SACM1L: variants seen among roughly 807,000 people sequenced by gnomAD.
SACM1L encodes SAC1 like phosphatidylinositide phosphatase.
A neutral mutation model predicts 89.5 loss-of-function variants in SACM1L; 32 were observed. That is an observed-to-expected ratio of 0.36 (90% CI 0.27 to 0.48). SACM1L has a LOEUF of 0.48. Ranked by LOEUF, SACM1L falls within the 20% of genes least tolerant of loss-of-function variation. SACM1L has a pLI of 0.99. For synonymous variants in SACM1L, 213 were observed against 232.8 expected (o/e 0.92, Z 0.77); for missense variants, 543 against 708.5 (o/e 0.77, Z 2.65).
At chr3:45,708,916 T>C (rs982861994) in intron 4 of SACM1L, among the ~76,000 whole-genome samples, 23 of 152,218 alleles carry the variant, frequency 1.5e-4, no homozygotes, top group Non-Finnish European at 2.9e-4. Context: ...TAAAATGGTT[T>C]CCCAAAAATA....
Position 45,734,270 on chromosome 3 carries a change from A to G in SACM1L, c.1101-965A>G, listed in dbSNP as rs145123108. Among the ~76,000 whole-genome samples the G allele has an allele frequency of 8.2e-4, 125 of 151,942 alleles. 1 individual carries two copies. Among genetic ancestry groups the G allele is most frequent in the African/African-American group, 2.9e-3 (120 of 41,452 alleles). On this transcript the variant is annotated intron_variant, in intron 13 of 19. Transcript: ENST00000389061. ...TGTACTAAAAATACAAAAATTAGCC[A>G]GGCATGGTGGTGGGTGCCTGTAATC...
At chr3:45,689,687 G>A (rs1433699350) in intron 1 of SACM1L, 190 bp downstream of exon 1, 13 of 677,322 alleles carry the variant, frequency 1.9e-5, no homozygotes, top group Non-Finnish European at 3.2e-5. Flanking sequence ...GGAACCAGCG[G>A]CTCGCCGGCC....
intron 1 of SACM1L, among the ~76,000 whole-genome samples, chr3:45,702,251 G>A (rs1698292536): frequency 6.6e-6 from 1 of 152,148 alleles, no homozygotes; most frequent in Admixed American, 6.5e-5. Context: ...TTTGCTGCAG[G>A]ACATTTTTCT....
intron 11 of SACM1L, among the ~76,000 whole-genome samples, chr3:45,728,675 A>G (rs1301352048): frequency 6.6e-6 from 1 of 152,038 alleles, no homozygotes; most frequent in African/African-American, 2.4e-5. Flanking sequence ...TTATGTATAT[A>G]TGTATTTATT....
intron 1 of SACM1L, among the ~76,000 whole-genome samples, chr3:45,692,658 T>G (rs76831626): frequency 2.1e-3 from 314 of 152,314 alleles, no homozygotes; most frequent in Non-Finnish European, 3.2e-3. Context: ...GGTACCTTCT[T>G]TGAGAAATGT....
intron 18 of SACM1L, among the ~76,000 whole-genome samples, chr3:45,739,371 A>G (rs1412411892): frequency 6.6e-6 from 1 of 152,134 alleles, no homozygotes; most frequent in African/African-American, 2.4e-5. Context: ...TTGGAGCAAA[A>G]GCATGCTTCT....
At chr3:45,703,904 A>C (rs1447379959) in intron 2 of SACM1L, among the ~76,000 whole-genome samples, 2 of 152,194 alleles carry the variant, frequency 1.3e-5, no homozygotes, top group Non-Finnish European at 1.5e-5. Flanking sequence ...CAGCTTTAAG[A>C]GTATGGAATT....
In SACM1L at chr3:45,744,173, TACAG is replaced by T. The variant is rs747252506; in HGVS notation, c.*508_*511del. The stretch of plus-strand genomic sequence containing the variant: ...CTGTGTTTATAAAATGTAAGTCTCT[TACAG>T]ACATCAAGTAGTTTGATGAGACAGT... On this transcript the variant is annotated 3_prime_UTR_variant, in exon 20 of 20. Coordinates refer to ENST00000389061, the MANE Select transcript of SACM1L (RefSeq NM_014016.5). 1 of 152,474 alleles carries T rather than the reference TACAG, an allele frequency of 6.6e-6. No individual in the cohort carries two copies. The highest frequency in any genetic ancestry group is 1.5e-5 in the Non-Finnish European group (1 of 68,260). The allele number at this position is 152,474 out of a possible 1,614,324, so 9.4% of individuals were successfully genotyped here.
At chr3:45,691,731 C>G (rs1399588174) in intron 1 of SACM1L, among the ~76,000 whole-genome samples, 1 of 152,142 alleles carries the variant, frequency 6.6e-6, no homozygotes, top group East Asian at 1.9e-4. Context: ...CCTCCCACCT[C>G]AGCCTCTCGA....
At chr3:45,720,395 A>G (rs1193089792) in intron 8 of SACM1L, among the ~76,000 whole-genome samples, 1 of 152,146 alleles carries the variant, frequency 6.6e-6, no homozygotes, top group Non-Finnish European at 1.5e-5. Context: ...TTTTTAATGC[A>G]ATAAAAAATA....
intron 1 of SACM1L, among the ~76,000 whole-genome samples, chr3:45,696,650 G>T (rs1327096595): frequency 2.0e-5 from 3 of 147,892 alleles, no homozygotes; most frequent in Admixed American, 6.8e-5. Flanking sequence ...TCCTGGGTTT[G>T]TTTTTTTTTT....
intron 7 of SACM1L, among the ~76,000 whole-genome samples, chr3:45,718,487 T>C (rs1265968693): frequency 1.3e-5 from 2 of 152,148 alleles, no homozygotes; most frequent in Non-Finnish European, 2.9e-5. Flanking sequence ...ATTTTTAAAA[T>C]TATGATCAAA....
In SACM1L at chr3:45,721,271, C is replaced by G. The variant is rs189283165; in HGVS notation, c.680-729C>G. 4.6e-5 allele frequency among the ~76,000 whole-genome samples: 7 copies of G among 152,360 alleles called. No homozygotes were observed. In the East Asian group the frequency reaches 1.3e-3, roughly 29 times the overall value. On this transcript the variant is annotated intron_variant, in intron 8 of 19. Coordinates refer to ENST00000389061, the MANE Select transcript of SACM1L (RefSeq NM_014016.5). ...GTGCGGTGGCTCACGCCTATAATCC[C>G]AGCACTTTGGGAGGCCGAGGCAGGC...
rs745803308 is a variant in SACM1L, at chr3:45,732,037, T to G, written c.1002-16T>G. 8 of 1,464,986 alleles carry G rather than the reference T, an allele frequency of 5.5e-6. No individual in the cohort carries two copies. Among genetic ancestry groups the G allele is most frequent in the Non-Finnish European group, 7.5e-6 (8 of 1,072,138 alleles). 90.7% of individuals were successfully genotyped at this position (1,464,986 alleles called of 1,614,324 possible). A position where few individuals can be genotyped will look rare whatever the true frequency, so the allele number is the denominator to read the frequency against. On this transcript the variant is annotated splice_polypyrimidine_tract_variant and intron_variant, in intron 12 of 19. Transcript: ENST00000389061. ...ATGATCTCTGGTCGGTTTCTGAATA[T>G]CTTTTCTTTTGGTAGATACATTGCC...
At chr3:45,720,369 A>C (rs1296026738) in intron 8 of SACM1L, among the ~76,000 whole-genome samples, 1 of 152,174 alleles carries the variant, frequency 6.6e-6, no homozygotes, top group Non-Finnish European at 1.5e-5. Context: ...ACATATTTCA[A>C]ATATCAAAAA....
At chr3:45,718,667 T>C (rs1342599743) in intron 7 of SACM1L, among the ~76,000 whole-genome samples, 2 of 152,198 alleles carry the variant, frequency 1.3e-5, no homozygotes, top group Non-Finnish European at 2.9e-5. Flanking sequence ...TATTTAACTA[T>C]TGTAAATAGT....
intron 2 of SACM1L, among the ~76,000 whole-genome samples, chr3:45,703,916 T>G (rs1161506667): frequency 6.6e-6 from 1 of 152,212 alleles, no homozygotes; most frequent in East Asian, 1.9e-4. Flanking sequence ...TATGGAATTT[T>G]AACAGCTACT....
At position 45,735,383 on chromosome 3, in the gene SACM1L, CTTTTT is replaced by C; in HGVS notation, c.1239+19_1239+23del. On this transcript the variant is annotated intron_variant, in intron 14 of 19. Coordinates refer to ENST00000389061, the MANE Select transcript of SACM1L (RefSeq NM_014016.5). The stretch of plus-strand genomic sequence containing the variant: ...TCAGGCCCAACTTCAGGTGCGAATG[CTTTTT>C]TTTTTTTTAATTGAAAAACAACACA... 1 of 1,288,930 alleles carries C rather than the reference CTTTTT, an allele frequency of 7.8e-7. No individual in the cohort carries two copies. The allele number at this position is 1,288,930 out of a possible 1,614,324, so 79.8% of individuals were successfully genotyped here.
intron 11 of SACM1L, among the ~76,000 whole-genome samples, chr3:45,729,989 T>G (rs187155689): frequency 2.2e-3 from 339 of 152,256 alleles, no homozygotes; most frequent in African/African-American, 7.5e-3. Flanking sequence ...CTATCTTTGT[T>G]GATATCCTCA....
Sources: gnomAD v4.1 joint callset for allele counts (sites outside exome capture counted in the v4.1 genomes callset) on GRCh38, gnomAD v4.1.1 for gene constraint, MANE v1.5 for transcripts, NCBI Gene and HGNC (gene_info 2026-07-23, HGNC 2026-07-21) for gene names.